The following PTCD1 variants were observed in gnomAD, a reference collection of about 807,000 sequenced individuals.
The protein encoded by PTCD1 is pentatricopeptide repeat domain 1.
Under a neutral mutation model 53.4 loss-of-function variants are expected in PTCD1, and 50 were observed. The ratio of observed to expected loss-of-function variants is 0.94; its 90% CI spans 0.75 to 1.19. The LOEUF is 1.19. Among genes scored for constraint, PTCD1 ranks in the 50% most tolerant of loss-of-function variants. The pLI, the probability that PTCD1 is intolerant of heterozygous loss-of-function variation, is 0.00. For synonymous variants in PTCD1, 413 were observed against 394.8 expected (o/e 1.05, Z -0.55); for missense variants, 918 against 904.8 (o/e 1.01, Z -0.19).
rs766963010 is a variant in PTCD1, at chr7:99,419,940, G to A, written c.*27C>T. On this transcript the variant is annotated 3_prime_UTR_variant, in exon 8 of 8. Transcript: ENST00000292478. ...GGGCTCCCACAGAGCACTGGGGGCC[G>A]AGCACATTGTTCCAGCTGTGCTCCC... 8.7e-6 allele frequency: 14 copies of A among 1,613,634 alleles called. No individual in the cohort carries two copies. The highest frequency in any genetic ancestry group is 1.7e-4 in the Middle Eastern group (1 of 5,842).
chr7:99,417,300 G>T lies in PTCD1; in HGVS notation c.*2667C>A, dbSNP rs577258303. On this transcript the variant is annotated 3_prime_UTR_variant, in exon 8 of 8. Coordinates refer to ENST00000292478, the MANE Select transcript of PTCD1 (RefSeq NM_015545.4). ...ACTCCTGACCTCAGGTGATCCGCCT[G>T]CCTCGGCCTCCCAAAGTGCTGGGAT... The T allele has an allele frequency of 6.9e-5, 61 of 883,400 alleles. No individual in the cohort carries two copies. The African/African-American group carries it at 9.0e-4, about 13-fold the overall frequency. The allele number at this position is 883,400 out of a possible 1,614,324, so 54.7% of individuals were successfully genotyped here. A position where few individuals can be genotyped will look rare whatever the true frequency, so the allele number is the denominator to read the frequency against.
At chr7:99,426,152 C>T (rs1416666816) in intron 5 of PTCD1, among the ~76,000 whole-genome samples, 13 of 146,880 alleles carry the variant, frequency 8.9e-5, no homozygotes, top group African/African-American at 3.3e-4. Context: ...CTCCCTCTCC[C>T]TCTCCCTCTC....
At chr7:99,438,360 G>A (rs946572124) in intron 1 of PTCD1, among the ~76,000 whole-genome samples, 1 of 151,482 alleles carries the variant, frequency 6.6e-6, no homozygotes, top group Non-Finnish European at 1.5e-5. Flanking sequence ...CCAGCTACTC[G>A]GGAGGCTGAG....
chr7:99,433,165 A>C, intron 3 of PTCD1, 113 bp downstream of exon 3: 4 of 1,529,244 alleles, frequency 2.6e-6, no homozygotes, highest in Non-Finnish European at 3.6e-6. Flanking sequence ...GATGACTCTG[A>C]GGCCAGGGAG....
At chr7:99,429,916 C>T (rs1359492891) in intron 3 of PTCD1, 110 bp from the exon 4 acceptor site, 3 of 1,357,440 alleles carry the variant, frequency 2.2e-6, no homozygotes, top group Admixed American at 1.9e-5. Flanking sequence ...CTGCATCCAC[C>T]AGGCCAGGCT....
In PTCD1 at chr7:99,434,997, G is replaced by A. The variant is rs755485680; in HGVS notation, c.246C>T (p.Asp82=). 5.0e-6 allele frequency: 8 copies of A among 1,614,158 alleles called. No homozygotes were observed. Among genetic ancestry groups the A allele is most frequent in the Admixed American group, 1.7e-5 (1 of 60,018 alleles). ...TCCCAAAACTCTCCTCCTCCTCCTC[G>A]TCTTCTTCCTGCGTGGCCGTGGAGT... The part of the protein sequence containing the change: ...HSNSTATQEE[D]EEEEESFGTL... Residue 82 remains aspartate, a synonymous_variant, in exon 2 of 8, where the codon GAC becomes GAT. Coordinates refer to ENST00000292478, the MANE Select transcript of PTCD1 (RefSeq NM_015545.4).
In PTCD1 at chr7:99,434,837, G is replaced by C. The variant is rs764747631; in HGVS notation, c.406C>G (p.Pro136Ala). The C allele has an allele frequency of 8.1e-6, 13 of 1,614,056 alleles. No homozygotes were observed. The Admixed American group carries it at 8.3e-5, about 10-fold the overall frequency. ...TTGCACTGCAAGAAGTACCAGTACG[G>C]GGTGTTTCTCCGGCCTCGCCATAAT... ...PKLWRGRRNT[P>A]YWYFLQCKHL... The change falls in exon 2 of 8, where the codon CCG becomes GCG. Residue 136 changes from proline to alanine, a missense_variant. Coordinates refer to ENST00000292478, the MANE Select transcript of PTCD1 (RefSeq NM_015545.4).
rs991206971 is a variant in PTCD1 at position 99,419,325 on chromosome 7, CAT to C, written c.*640_*641del. The C allele has an allele frequency of 1.5e-5, 24 of 1,582,072 alleles. No individual in the cohort carries two copies. Among genetic ancestry groups the C allele is most frequent in the Middle Eastern group, 3.3e-4 (2 of 5,984 alleles). ...CAGGTCCTTCGTGGGAGGGTTGCCA[CAT>C]ATGTGAGTGTGCAGGGGCGAGCGTG... On this transcript the variant is annotated 3_prime_UTR_variant, in exon 8 of 8. Transcript: ENST00000292478.
At chr7:99,432,524 C>G (rs1476733842) in intron 3 of PTCD1, among the ~76,000 whole-genome samples, 1 of 152,228 alleles carries the variant, frequency 6.6e-6, no homozygotes, top group Admixed American at 6.5e-5. Flanking sequence ...ACATCCCCCT[C>G]TCCGAGATGG....
rs370566685 is a variant in PTCD1, at chr7:99,425,479, C to G, written c.1053G>C (p.Ala351=). The change falls in exon 6 of 8, where the codon GCG becomes GCC. Residue 351 remains alanine (A), a synonymous_variant. Transcript: ENST00000292478. ...SELLLKPREE[A]TVLQPPVSRQ... ...TGCTCACTGGGGGCTGAAGCACAGT[C>G]GCCTCCTCCCTGGGCTTCAGAAGCA... 1.9e-6 allele frequency: 3 copies of G among 1,613,094 alleles called. No individual in the cohort carries two copies. The highest frequency in any genetic ancestry group is 1.3e-5 in the African/African-American group (1 of 74,928).
intron 5 of PTCD1, among the ~76,000 whole-genome samples, chr7:99,428,875 G>A (rs897098957): frequency 4.3e-5 from 6 of 139,584 alleles, no homozygotes; most frequent in East Asian, 2.6e-4. Flanking sequence ...GGGCTAAGCC[G>A]ACTGCAAAGC....
At chr7:99,421,626 G>A (rs1035107063) in intron 7 of PTCD1, among the ~76,000 whole-genome samples, 1 of 150,900 alleles carries the variant, frequency 6.6e-6, no homozygotes, top group African/African-American at 2.4e-5. Flanking sequence ...GTGGTGGCAG[G>A]CTCCTGTAAT....
intron 7 of PTCD1, among the ~76,000 whole-genome samples, chr7:99,422,893 G>A (rs1352769780): frequency 1.3e-5 from 2 of 152,054 alleles, no homozygotes; most frequent in Non-Finnish European, 2.9e-5. Context: ...TGCGTCCTCT[G>A]TAAATCAGAC....
rs9691168 is a variant in PTCD1 at position 99,417,376 on chromosome 7, T to C, written c.*2591A>G. On this transcript the variant is annotated 3_prime_UTR_variant, in exon 8 of 8. Transcript: ENST00000292478. ...CCTGAATGCTTTTTTTGATCAAGGG[T>C]GGGGAAGGTTTTTAGACCATGGCCT... The C allele has an allele frequency of 1.3e-6, 2 of 1,581,094 alleles. No homozygotes were observed.
At position 99,419,120 on chromosome 7, in the gene PTCD1, G is replaced by A. The variant is rs559236119; in HGVS notation, c.*847C>T. 140 of 522,766 alleles carry A rather than the reference G, an allele frequency of 2.7e-4. 1 individual carries two copies. Among genetic ancestry groups the A allele is most frequent in the African/African-American group, 1.5e-3 (76 of 51,962 alleles). 32.4% of individuals were successfully genotyped at this position (522,766 alleles called of 1,614,324 possible). A position where few individuals can be genotyped will look rare whatever the true frequency, so the allele number is the denominator to read the frequency against. On this transcript the variant is annotated 3_prime_UTR_variant, in exon 8 of 8. Coordinates refer to ENST00000292478, the MANE Select transcript of PTCD1 (RefSeq NM_015545.4). ...CAGAATAACGAGACTCATTCACACC[G>A]ATTTCTTTTTCTTGATTGGCAAACG...
chr7:99,424,026 G>A, intron 6 of PTCD1, 69 bp from the exon 7 acceptor site: 1 of 1,578,354 alleles, frequency 6.3e-7, no homozygotes, highest in Non-Finnish European at 8.6e-7. Flanking sequence ...CCCACCCTCT[G>A]TCAATCAAGC....
intron 7 of PTCD1, among the ~76,000 whole-genome samples, chr7:99,422,199 A>G (rs969721883): frequency 1.3e-5 from 2 of 152,222 alleles, no homozygotes; most frequent in East Asian, 1.9e-4. Context: ...AGCCAGACAC[A>G]ATTTCCATTG....
At chr7:99,438,408 T>G in intron 1 of PTCD1, 27 of 577,970 alleles carry the variant, frequency 4.7e-5, no homozygotes, top group East Asian at 1.4e-4. Context: ...TTGACTGCAG[T>G]GAGCTATGAT....
rs145450760 is a variant in PTCD1, at chr7:99,425,076, C to G, written c.1456G>C (p.Asp486His). Residue 486 changes from aspartate to histidine, a missense_variant, in exon 6 of 8, where the codon GAC (aspartate) becomes CAC (histidine). Physicochemically the swap from Asp to His is moderately conservative, Grantham distance 81. Coordinates refer to ENST00000292478, the MANE Select transcript of PTCD1 (RefSeq NM_015545.4). ...SKMAEHRQQPDIRTLTLLAEV... is the reference protein window; with the variant it reads ...SKMAEHRQQPHIRTLTLLAEV... ...GCCAGTAGCGTGAGGGTCCTGATGT[C>G]GGGCTGCTGCCTGTGCTCTGCCATC... The G allele has an allele frequency of 1.9e-6, 3 of 1,614,084 alleles. No homozygotes were observed. Among genetic ancestry groups the G allele is most frequent in the Non-Finnish European group, 2.5e-6 (3 of 1,180,032 alleles).
Sources: gnomAD v4.1 joint callset for allele counts (sites outside exome capture counted in the v4.1 genomes callset) on GRCh38, gnomAD v4.1.1 for gene constraint, MANE v1.5 for transcripts, NCBI Gene and HGNC (gene_info 2026-07-23, HGNC 2026-07-21) for gene names.